The following KIF3B variants were observed in gnomAD, a reference collection of about 807,000 sequenced individuals.
KIF3B encodes kinesin-like protein KIF3B.
A neutral mutation model predicts 74.3 loss-of-function variants in KIF3B; 38 were observed. The ratio of observed to expected loss-of-function variants is 0.51; its 90% CI spans 0.39 to 0.67. The LOEUF (loss-of-function observed/expected upper bound fraction) is 0.67. Ranked by LOEUF, KIF3B falls within the 30% of genes least tolerant of loss-of-function variation. The pLI is 0.00. For synonymous variants in KIF3B, 326 were observed against 342.5 expected (o/e 0.95, Z 0.53); for missense variants, 649 against 932.0 (o/e 0.70, Z 3.95).
chr20:32,280,065 TTGG>T (rs891738779), intron 1 of KIF3B, among the ~76,000 whole-genome samples: 5 of 152,202 alleles, frequency 3.3e-5, no homozygotes, highest in African/African-American at 1.2e-4. Context: ...TTTGAACCCC[TTGG>T]TGGTATAGTT....
In KIF3B at chr20:32,305,593, T is replaced by C. The variant is rs77265807; in HGVS notation, c.-65-4120T>C. ...ACCTTTTTTTTTTTTTTTTTTTTTT[T>C]GTGTGTGTAGATGGAGTCTTGCTCT... On this transcript the variant is annotated intron_variant, in intron 1 of 8. Transcript: ENST00000375712. Among the ~76,000 whole-genome samples the C allele has an allele frequency of 1.6e-4, 22 of 135,302 alleles. No individual in the cohort carries two copies. In the East Asian group the frequency reaches 4.8e-3, roughly 30 times the overall value. 88.8% of individuals were successfully genotyped at this position (135,302 alleles called of 152,430 possible).
intron 1 of KIF3B, among the ~76,000 whole-genome samples, chr20:32,278,921 C>CTTTTTTTTT (rs57355936): frequency 8.4e-6 from 1 of 118,420 alleles, no homozygotes; most frequent in East Asian, 2.7e-4. Context: ...CTTAAGAATC[C>CTTTTTTTTT]TTTTTTTTTT....
At chr20:32,294,233 A>G (rs2047706170) in intron 1 of KIF3B, among the ~76,000 whole-genome samples, 1 of 152,204 alleles carries the variant, frequency 6.6e-6, no homozygotes, top group African/African-American at 2.4e-5. Context: ...TTCCCTGCCT[A>G]AATAAATGCT....
intron 1 of KIF3B, among the ~76,000 whole-genome samples, chr20:32,301,661 G>A (rs1432035766): frequency 6.6e-6 from 1 of 152,182 alleles, no homozygotes; most frequent in African/African-American, 2.4e-5. Context: ...ACAGATGTGA[G>A]CCACCATGCC....
chr20:32,282,789 G>A (rs2047650198), intron 1 of KIF3B, among the ~76,000 whole-genome samples: 1 of 152,150 alleles, frequency 6.6e-6, no homozygotes, highest in Admixed American at 6.5e-5. Context: ...GTTCTTTCCT[G>A]GTCACCAAAT....
intron 1 of KIF3B, among the ~76,000 whole-genome samples, chr20:32,283,285 C>T (rs1217411310): frequency 6.6e-6 from 1 of 152,058 alleles, no homozygotes; most frequent in Admixed American, 6.5e-5. Context: ...GTGTGCAGAT[C>T]ACGAGGTCAG....
chr20:32,292,583 G>GAAAAAAAAAAAAAAAA (rs71185398), intron 1 of KIF3B, among the ~76,000 whole-genome samples: 2 of 71,822 alleles, frequency 2.8e-5, no homozygotes, highest in Non-Finnish European at 5.6e-5. Flanking sequence ...ACTAAAAATA[G>GAAAAAAAAAAAAAAAA]AAAAAAAAAA....
At chr20:32,293,454 T>A (rs919161608) in intron 1 of KIF3B, among the ~76,000 whole-genome samples, 6 of 151,626 alleles carry the variant, frequency 4.0e-5, no homozygotes, top group African/African-American at 1.5e-4. Flanking sequence ...CTACAAAAAA[T>A]AAAAACAAAA....
intron 5 of KIF3B, among the ~76,000 whole-genome samples, chr20:32,323,133 T>TA (rs1166471479): frequency 1.9e-5 from 2 of 103,104 alleles, no homozygotes; most frequent in Non-Finnish European, 3.8e-5. Flanking sequence ...TATTTATATA[T>TA]TTACATATAT....
intron 2 of KIF3B, among the ~76,000 whole-genome samples, chr20:32,312,077 A>G (rs1021958938): frequency 1.3e-5 from 2 of 150,792 alleles, no homozygotes; most frequent in Non-Finnish European, 2.9e-5. Context: ...TGCTGGGATT[A>G]CAGACGTGAG....
At position 32,310,279 on chromosome 20, in the gene KIF3B, G is replaced by A. The variant is rs752548410; in HGVS notation, c.502G>A (p.Glu168Lys). The change falls in exon 2 of 9, where the codon GAG (glutamate) becomes AAG (lysine). Residue 168 changes from glutamate (E) to lysine (K), a missense_variant. By Grantham distance (56) the Glu-to-Lys change is moderately conservative. Around this residue, in one of 4 missense-constraint regions of KIF3B, gnomAD observed 363 missense variants for 592.8 expected, o/e 0.61. Transcript: ENST00000375712. This position sits in a 1 kb window ranked among gnomAD's most constrained non-coding sequence, Gnocchi z 6.5. ...TCAGACCAAAAGGCTTGAGCTCAAA[G>A]AGAGGCCTGACACAGGAGTGTATGT... ...KDQTKRLELK[E>K]RPDTGVYVKD... 4 of 1,613,826 alleles carry A rather than the reference G, an allele frequency of 2.5e-6. No individual in the cohort carries two copies. The East Asian group carries it at 8.9e-5, about 36-fold the overall frequency.
intron 8 of KIF3B, 152 bp from the exon 9 acceptor site, chr20:32,331,071 A>G (rs1490220295): frequency 1.5e-6 from 1 of 657,788 alleles, no homozygotes. Context: ...CCATCCCCAA[A>G]GGTTCAGGCT....
intron 2 of KIF3B, among the ~76,000 whole-genome samples, chr20:32,314,021 A>G (rs2047814725): frequency 6.6e-6 from 1 of 151,906 alleles, no homozygotes; most frequent in Non-Finnish European, 1.5e-5. Flanking sequence ...CGGCCTGGGT[A>G]TGCCCATATT....
At chr20:32,323,859 CAA>C (rs1380152226) in intron 5 of KIF3B, among the ~76,000 whole-genome samples, 1 of 152,056 alleles carries the variant, frequency 6.6e-6, no homozygotes, top group African/African-American at 2.4e-5. Flanking sequence ...GCTGGGGCAA[CAA>C]GAGCGAAACT....
chr20:32,312,215 C>G (rs545312325), intron 2 of KIF3B, among the ~76,000 whole-genome samples: 167 of 151,854 alleles, frequency 1.1e-3, no homozygotes, highest in Non-Finnish European at 2.1e-3. Flanking sequence ...AAGGATCCTC[C>G]CACCTCAGCC....
At chr20:32,292,583 G>GAAAAAAAAAAAAAAAAAAAAA (rs71185398) in intron 1 of KIF3B, among the ~76,000 whole-genome samples, 1 of 71,822 alleles carries the variant, frequency 1.4e-5, no homozygotes, top group Non-Finnish European at 2.8e-5. Flanking sequence ...ACTAAAAATA[G>GAAAAAAAAAAAAAAAAAAAAA]AAAAAAAAAA....
chr20:32,286,522 A>G (rs1412938046), intron 1 of KIF3B, among the ~76,000 whole-genome samples: 5 of 152,184 alleles, frequency 3.3e-5, no homozygotes. Flanking sequence ...CCTAAGAAAT[A>G]TATGTAATGT....
At position 32,326,876 on chromosome 20, in the gene KIF3B, C is replaced by T. The variant is rs1420189231; in HGVS notation, c.1854C>T (p.Thr618=). 1 of 1,462,182 alleles carries T rather than the reference C, an allele frequency of 6.8e-7. No homozygotes were observed. The highest frequency in any genetic ancestry group is 1.8e-5 in the Admixed American group (1 of 55,288). 90.6% of individuals were successfully genotyped at this position (1,462,182 alleles called of 1,614,324 possible). Residue 618 remains threonine (T), a synonymous_variant, in exon 6 of 9, where the codon ACC becomes ACT. Coordinates refer to ENST00000375712, the MANE Select transcript of KIF3B (RefSeq NM_004798.4). ...ATCATTGGAAACTACATCCTATAAC[C>T]AGACTGGAGTAAGTCACTATTAACT... ...EEDHWKLHPI[T]RLENQQMMKR... is the part of the protein sequence containing the mutation.
chr20:32,290,491 C>T (rs2047686135), intron 1 of KIF3B, among the ~76,000 whole-genome samples: 1 of 152,166 alleles, frequency 6.6e-6, no homozygotes, highest in South Asian at 2.1e-4. Flanking sequence ...ACAGGTTTTG[C>T]TATGGCCCTC....
Sources: allele counts gnomAD v4.1 joint callset (sites outside exome capture counted in the v4.1 genomes callset), GRCh38; gene constraint gnomAD v4.1.1; regional missense constraint gnomAD v4.1.1; non-coding constraint Gnocchi (gnomAD v3.1); transcripts MANE v1.5; gene names NCBI Gene and HGNC (gene_info 2026-07-23, HGNC 2026-07-21).